Variants in CLIP1 observed in about 807,000 individuals in gnomAD.
The protein encoded by CLIP1 is CAP-Gly domain containing linker protein 1, also known as CAP-Gly domain-containing linker protein 1.
CLIP1 carries 66 observed loss-of-function variants against 161.6 expected under a neutral mutation model. The observed-to-expected ratio is 0.41, with a 90% CI of 0.33 to 0.50. The LOEUF (loss-of-function observed/expected upper bound fraction) is 0.50. CLIP1 is among the 20% of genes least tolerant of loss of function. The probability of loss-of-function intolerance (pLI) is 0.27; values close to 1 mark genes in which losing one functional copy is unlikely to be tolerated. For missense variants in CLIP1, 1,376 were observed against 1,702.0 expected, an observed-to-expected ratio of 0.81 and a Z score of 3.37; for synonymous variants, 598 against 626.2, an observed-to-expected ratio of 0.96 and a Z score of 0.67.
intron 12 of CLIP1, among the ~76,000 whole-genome samples, 199 bp downstream of exon 12, chr12:122,336,433 A>T (rs974017998): frequency 1.5e-5 from 2 of 136,016 alleles, no homozygotes; most frequent in Admixed American, 1.5e-4. Context: ...AAAAAAAAAA[A>T]GTAATACCTA....
Position 122,355,799 on chromosome 12 carries a change from G to C in CLIP1, c.1006-487C>G, listed in dbSNP as rs1953312629. 6.4e-6 allele frequency: 1 copy of C among 156,336 alleles called. No homozygotes were observed. The highest frequency in any genetic ancestry group is 6.5e-5 in the Admixed American group (1 of 15,494). 9.7% of individuals were successfully genotyped at this position (156,336 alleles called of 1,614,324 possible). A position where few individuals can be genotyped will look rare whatever the true frequency, so the allele number is the denominator to read the frequency against. On this transcript the variant is annotated intron_variant, in intron 5 of 25. Transcript: ENST00000620786. The surrounding 1 kb of genome is among the most constrained non-coding windows in gnomAD (Gnocchi z 4.1). The stretch of plus-strand genomic sequence containing the variant: ...CCAGCTAATTTTTATATTTTTAGTA[G>C]AGACGGGGTTTTGCCATGTTCGCCA...
At chr12:122,348,810 A>C (rs1183295995) in intron 9 of CLIP1, among the ~76,000 whole-genome samples, 1 of 152,186 alleles carries the variant, frequency 6.6e-6, no homozygotes, top group Admixed American at 6.5e-5. Context: ...AAAAATGACA[A>C]CAGACTCTAA....
rs532983274 is a variant in CLIP1, at chr12:122,314,402, C to T, written c.3473+2347G>A. ...ACGAAAACTGCTTGAACCCAGGAGG[C>T]AGAGGTCGTGGTGAGCAGAGATCAC... is the stretch of plus-strand genomic sequence containing the variant. On this transcript the variant is annotated intron_variant, in intron 19 of 25. Transcript: ENST00000620786. Among the ~76,000 whole-genome samples the T allele has an allele frequency of 8.0e-4, 121 of 152,098 alleles. 1 individual carries two copies. Among genetic ancestry groups the T allele is most frequent in the African/African-American group, 2.8e-3 (118 of 41,496 alleles).
At chr12:122,336,027 G>A (rs1056547951) in intron 12 of CLIP1, among the ~76,000 whole-genome samples, 2 of 152,060 alleles carry the variant, frequency 1.3e-5, no homozygotes, top group Middle Eastern at 3.2e-3. Context: ...TTAAACTCGG[G>A]TTTTCAGTGC....
chr12:122,295,716 T>G (rs541972101), intron 20 of CLIP1, among the ~76,000 whole-genome samples: 1 of 152,354 alleles, frequency 6.6e-6, no homozygotes, highest in South Asian at 2.1e-4. Flanking sequence ...ACTGAAGCCT[T>G]CAGCTATAAT....
At chr12:122,304,246 G>A (rs564182437) in intron 20 of CLIP1, among the ~76,000 whole-genome samples, 120 of 152,324 alleles carry the variant, frequency 7.9e-4, no homozygotes, top group African/African-American at 2.7e-3. Flanking sequence ...GCACAGGGAT[G>A]GAGAGAATTC....
At chr12:122,352,315 C>T (rs532433421) in intron 8 of CLIP1, among the ~76,000 whole-genome samples, 43 of 152,220 alleles carry the variant, frequency 2.8e-4, no homozygotes, top group African/African-American at 9.1e-4. Flanking sequence ...CCTCGGCCTC[C>T]CAAAGTGCTG....
intron 1 of CLIP1, among the ~76,000 whole-genome samples, chr12:122,409,657 G>T (rs576415834): frequency 7.3e-5 from 11 of 151,234 alleles, no homozygotes; most frequent in African/African-American, 2.7e-4. Context: ...TCAGCCTCCC[G>T]AGTAGCTGGG....
At chr12:122,406,505 CA>C (rs1186898702) in intron 1 of CLIP1, among the ~76,000 whole-genome samples, 1 of 152,164 alleles carries the variant, frequency 6.6e-6, no homozygotes, top group Non-Finnish European at 1.5e-5. Flanking sequence ...ACAAACCTTA[CA>C]GAGCAATTTA....
intron 10 of CLIP1, chr12:122,343,060 T>C (rs184386453): frequency 4.4e-4 from 67 of 151,778 alleles, no homozygotes; most frequent in African/African-American, 1.6e-3. Context: ...TAAAATTACC[T>C]ATCAAATGTT....
In CLIP1 at chr12:122,407,830, GC is replaced by G. The variant is rs563710362; in HGVS notation, c.-107+14690del. 3.1e-4 allele frequency among the ~76,000 whole-genome samples: 45 copies of G among 146,674 alleles called. 1 individual carries two copies. The highest frequency in any genetic ancestry group is 1.9e-3 in the South Asian group (9 of 4,666). ...GAAAAAAGTTGGCATATTGTTGCCT[GC>G]CCCTTAAACAGTCAGACATGGCCCA... On this transcript the variant is annotated intron_variant, in intron 1 of 25. Coordinates refer to ENST00000620786, the MANE Select transcript of CLIP1 (RefSeq NM_001247997.2).
chr12:122,294,302 C>A (rs1461335394), intron 20 of CLIP1, among the ~76,000 whole-genome samples: 3 of 131,806 alleles, frequency 2.3e-5, no homozygotes, highest in African/African-American at 8.4e-5. Flanking sequence ...GCACTCCAGC[C>A]TGGGTAAGAG....
chr12:122,383,236 T>A (rs1338914768), intron 1 of CLIP1, among the ~76,000 whole-genome samples: 1 of 152,208 alleles, frequency 6.6e-6, no homozygotes, highest in Non-Finnish European at 1.5e-5. Context: ...GGAAAACCTT[T>A]TACGGTGACA....
At chr12:122,341,762 C>CCTTTTTTTTTTTTTTTTTT (rs1566143047) in intron 10 of CLIP1, 65 bp from the exon 11 acceptor site, 4 of 96,018 alleles carry the variant, frequency 4.2e-5, no homozygotes, top group East Asian at 1.8e-4. Context: ...ATTTTCTTTT[C>CCTTTTTTTTTTTTTTTTTT]TTTTTTTTTT....
Position 122,392,445 on chromosome 12 carries a change from A to C in CLIP1, c.-106-11887T>G, listed in dbSNP as rs183631331. Among the ~76,000 whole-genome samples, 3 of 152,314 alleles carry C rather than the reference A, an allele frequency of 2.0e-5. No homozygotes were observed. The East Asian group carries it at 5.8e-4, about 29-fold the overall frequency. On this transcript the variant is annotated intron_variant, in intron 1 of 25. Transcript: ENST00000620786. Reference sequence around the variant, plus strand: ...TTCAAAATATCCACATAAGGAAAAAATTGACTTGTGGTAGAAGAGAGTGAG... The same window carrying C: ...TTCAAAATATCCACATAAGGAAAAACTTGACTTGTGGTAGAAGAGAGTGAG...
In CLIP1 at chr12:122,306,998, C is replaced by CTT. The variant is rs56949793; in HGVS notation, c.3594+2762_3594+2763dup. Among the ~76,000 whole-genome samples, 329 of 81,016 alleles carry CTT rather than the reference C, an allele frequency of 4.1e-3. 50 individuals are homozygous for CTT. The highest frequency in any genetic ancestry group is 0.012 in the African/African-American group (193 of 16,760). 53.1% of individuals were successfully genotyped at this position (81,016 alleles called of 152,430 possible). ...TATCTGTGTATCCTTGGTAAGTTCA[C>CTT]TTTTTTTTTTTTTTTTTTTTTTTTT... is the stretch of plus-strand genomic sequence containing the variant. On this transcript the variant is annotated intron_variant, in intron 20 of 25. Coordinates refer to ENST00000620786, the MANE Select transcript of CLIP1 (RefSeq NM_001247997.2).
intron 1 of CLIP1, among the ~76,000 whole-genome samples, chr12:122,417,452 G>A (rs1438767711): frequency 6.6e-6 from 1 of 151,592 alleles, no homozygotes; most frequent in East Asian, 1.9e-4. Context: ...GTGACCGAGT[G>A]AGACTCTGTC....
chr12:122,315,734 G>A (rs1951238125), intron 19 of CLIP1, among the ~76,000 whole-genome samples: 3 of 150,872 alleles, frequency 2.0e-5, no homozygotes, highest in South Asian at 2.1e-4. Context: ...TCCGCCTCCC[G>A]GGTTCACGCC....
chr12:122,372,335 A>G (rs1954491300), intron 3 of CLIP1, among the ~76,000 whole-genome samples: 1 of 151,948 alleles, frequency 6.6e-6, no homozygotes. Context: ...CAGGAGAATC[A>G]CTTGAACCCG....
Sources: gnomAD v4.1 joint callset for allele counts (sites outside exome capture counted in the v4.1 genomes callset) on GRCh38, gnomAD v4.1.1 for gene constraint, Gnocchi (gnomAD v3.1) non-coding constraint, MANE v1.5 for transcripts, NCBI Gene and HGNC (gene_info 2026-07-23, HGNC 2026-07-21) for gene names.